The following NKAIN3 variants were observed in gnomAD, a reference collection of about 807,000 sequenced individuals.
NKAIN3 encodes the protein sodium/potassium transporting ATPase interacting 3, also known as sodium/potassium-transporting ATPase subunit beta-1-interacting protein 3.
NKAIN3 carries 25 observed loss-of-function variants against 30.2 expected under a neutral mutation model. That is an observed-to-expected ratio of 0.83 (90% CI 0.60 to 1.16). The LOEUF (loss-of-function observed/expected upper bound fraction) is 1.16. Ranked by LOEUF, NKAIN3 falls within the 50% of genes most tolerant of loss-of-function variation. The pLI is 0.00. For synonymous variants in NKAIN3, 91 were observed against 89.6 expected, an observed-to-expected ratio of 1.02 and a Z score of -0.09; for missense variants, 225 against 254.1, an observed-to-expected ratio of 0.89 and a Z score of 0.78.
At chr8:62,306,536 TTGTGTGTGTGTGTGTGTGTGTG>T (rs10552182) in intron 1 of NKAIN3, among the ~76,000 whole-genome samples, 1 of 135,968 alleles carries the variant, frequency 7.4e-6, no homozygotes, top group Non-Finnish European at 1.5e-5. Context: ...TTTGAAGGCT[TTGTGTGTGTGTGTGTGTGTGTG>T]TGTGTGTGTG....
At chr8:62,686,882 A>G (rs1199039166) in intron 3 of NKAIN3, among the ~76,000 whole-genome samples, 1 of 152,234 alleles carries the variant, frequency 6.6e-6, no homozygotes, top group African/African-American at 2.4e-5. Context: ...AAAAACTGCA[A>G]GATCCCTTAG....
At chr8:62,774,584 T>C (rs1817127608) in intron 4 of NKAIN3, among the ~76,000 whole-genome samples, 1 of 151,994 alleles carries the variant, frequency 6.6e-6, no homozygotes, top group Non-Finnish European at 1.5e-5. Flanking sequence ...TGTTCCTTCT[T>C]TACTCAGTTT....
In NKAIN3 at chr8:62,982,262, T is replaced by A. The variant is rs1824099893; in HGVS notation, c.*16855T>A. On this transcript the variant is annotated 3_prime_UTR_variant, in exon 7 of 7. Coordinates refer to ENST00000623646, the MANE Select transcript of NKAIN3 (RefSeq NM_001304533.3). The stretch of plus-strand genomic sequence containing the variant: ...ACTTCCCCTTCATCTGTCCTGAAAT[T>A]ATTAATTATTGACTTCTACTTAAAT... 1 of 152,184 alleles carries A rather than the reference T, an allele frequency of 6.6e-6. No individual in the cohort carries two copies. Among genetic ancestry groups the A allele is most frequent in the African/African-American group, 2.4e-5 (1 of 41,442 alleles). The allele number at this position is 152,184 out of a possible 1,614,324, so 9.4% of individuals were successfully genotyped here.
chr8:62,744,940 T>G (rs921604247), intron 3 of NKAIN3, among the ~76,000 whole-genome samples: 2 of 152,250 alleles, frequency 1.3e-5, no homozygotes, highest in African/African-American at 4.8e-5. Context: ...TGAGGCATAC[T>G]TATAATGATA....
intron 4 of NKAIN3, among the ~76,000 whole-genome samples, chr8:62,814,175 T>G (rs553356180): frequency 2.3e-4 from 35 of 152,210 alleles, no homozygotes; most frequent in Middle Eastern, 3.4e-3. Context: ...ATCTGGATCT[T>G]CATACCTCTC....
intron 4 of NKAIN3, chr8:62,864,169 G>A (rs916695963): frequency 3.2e-6 from 2 of 633,592 alleles, no homozygotes; most frequent in Non-Finnish European, 5.5e-6. Context: ...GCTTTCACTT[G>A]CTCAACCGAC....
chr8:62,945,552 A>G lies in NKAIN3; in HGVS notation c.533-8350A>G, dbSNP rs931138013. Among the ~76,000 whole-genome samples the G allele has an allele frequency of 7.9e-5, 12 of 152,352 alleles. No individual in the cohort carries two copies. The East Asian group carries it at 2.3e-3, about 29-fold the overall frequency. ...ATGCCTGTCCTTGCAAACTGGAAAGAAGATGATTATAGAAGGGAATGAGAG... is the reference window on the plus strand; with the variant it reads ...ATGCCTGTCCTTGCAAACTGGAAAGGAGATGATTATAGAAGGGAATGAGAG... On this transcript the variant is annotated intron_variant, in intron 5 of 6. Coordinates refer to ENST00000623646, the MANE Select transcript of NKAIN3 (RefSeq NM_001304533.3).
intron 1 of NKAIN3, among the ~76,000 whole-genome samples, chr8:62,405,935 C>A (rs1449040682): frequency 1.3e-5 from 2 of 152,192 alleles, no homozygotes; most frequent in Non-Finnish European, 2.9e-5. Context: ...TTACACCATA[C>A]AAGTTATTAC....
chr8:62,886,187 C>T lies in NKAIN3; in HGVS notation c.472-32266C>T, dbSNP rs1316513795. On this transcript the variant is annotated intron_variant, in intron 4 of 6. Coordinates refer to ENST00000623646, the MANE Select transcript of NKAIN3 (RefSeq NM_001304533.3). ...TTTTTTTTTTAGTGATTGCCCTAGA[C>T]TTTGTAATATACATTCACAACAATT... Among the ~76,000 whole-genome samples, 6 of 151,832 alleles carry T rather than the reference C, an allele frequency of 4.0e-5. No individual in the cohort carries two copies. The East Asian group carries it at 1.2e-3, about 29-fold the overall frequency.
At chr8:62,501,573 T>C (rs1164029051) in intron 1 of NKAIN3, among the ~76,000 whole-genome samples, 3 of 152,150 alleles carry the variant, frequency 2.0e-5, no homozygotes, top group Non-Finnish European at 4.4e-5. Context: ...TCAAAGTATA[T>C]TCTACTCTCT....
rs779989397 is a variant in NKAIN3, at chr8:62,972,554, G to A, written c.*7147G>A. 6.6e-6 allele frequency among the ~76,000 whole-genome samples: 1 copy of A among 151,970 alleles called. No individual in the cohort carries two copies. The highest frequency in any genetic ancestry group is 1.5e-5 in the Non-Finnish European group (1 of 67,996). On this transcript the variant is annotated 3_prime_UTR_variant, in exon 7 of 7. Coordinates refer to ENST00000623646, the MANE Select transcript of NKAIN3 (RefSeq NM_001304533.3). ...TGAATCAAGTTCGTCGTCTATTTAC[G>A]TGCTTCTCAGTTGACATTTGTGAAG...
chr8:62,369,807 G>A (rs917674441), intron 1 of NKAIN3, among the ~76,000 whole-genome samples: 16 of 151,614 alleles, frequency 1.1e-4, no homozygotes, highest in Non-Finnish European at 1.8e-4. Flanking sequence ...AACAGATAGA[G>A]CCTTCCAGGT....
intron 1 of NKAIN3, among the ~76,000 whole-genome samples, chr8:62,577,389 T>C (rs1033332803): frequency 6.6e-6 from 1 of 151,784 alleles, no homozygotes; most frequent in Admixed American, 6.6e-5. Flanking sequence ...AGAAAATGAG[T>C]TTTTCTCTTT....
intron 4 of NKAIN3, among the ~76,000 whole-genome samples, chr8:62,873,788 A>G (rs1327677955): frequency 6.6e-6 from 1 of 152,162 alleles, no homozygotes; most frequent in East Asian, 1.9e-4. Context: ...GAAATGAACG[A>G]GAACAAAGAG....
At chr8:62,831,538 A>G (rs952976107) in intron 4 of NKAIN3, among the ~76,000 whole-genome samples, 1 of 152,168 alleles carries the variant, frequency 6.6e-6, no homozygotes, top group Non-Finnish European at 1.5e-5. Flanking sequence ...ATAATCAATC[A>G]GAGCTTTTGG....
chr8:62,327,266 T>C (rs754567680), intron 1 of NKAIN3, among the ~76,000 whole-genome samples: 27 of 152,080 alleles, frequency 1.8e-4, no homozygotes, highest in Non-Finnish European at 3.7e-4. Context: ...TTCCGTGGAT[T>C]GCCTTTATAC....
intron 3 of NKAIN3, among the ~76,000 whole-genome samples, chr8:62,629,463 C>G (rs913930767): frequency 6.6e-6 from 1 of 152,122 alleles, no homozygotes; most frequent in South Asian, 2.1e-4. Flanking sequence ...GAACAATGCT[C>G]TTGCCTTCAT....
rs78789443 is a variant in NKAIN3, at chr8:62,586,406, C to T, written c.193-3308C>T. ...TGTATCATTTTAAATAATTATATAA[C>T]GTATATGACTTGCTTACTATAGCCT... On this transcript the variant is annotated intron_variant, in intron 2 of 6. Coordinates refer to ENST00000623646, the MANE Select transcript of NKAIN3 (RefSeq NM_001304533.3). Among the ~76,000 whole-genome samples the T allele has an allele frequency of 8.4e-3, 1,275 of 152,184 alleles. 20 individuals are homozygous for T. Among genetic ancestry groups the T allele is most frequent in the African/African-American group, 0.029 (1,216 of 41,532 alleles).
intron 1 of NKAIN3, among the ~76,000 whole-genome samples, chr8:62,413,415 G>A (rs147354094): frequency 1.3e-3 from 194 of 151,874 alleles, no homozygotes; most frequent in African/African-American, 4.6e-3. Context: ...ATCACCCTTG[G>A]GTTTATTCAT....
Sources: gnomAD v4.1 joint callset for allele counts (sites outside exome capture counted in the v4.1 genomes callset) on GRCh38, gnomAD v4.1.1 for gene constraint, MANE v1.5 for transcripts, NCBI Gene and HGNC (gene_info 2026-07-23, HGNC 2026-07-21) for gene names.